Variants in FAXC observed in about 807,000 individuals in gnomAD.
FAXC encodes the protein failed axon connections homolog, metaxin like GST domain containing, also known as failed axon connections homolog.
Under a neutral mutation model 41.9 loss-of-function variants are expected in FAXC, and 10 were observed. That is an observed-to-expected ratio of 0.24 (90% CI 0.15 to 0.41). FAXC has a LOEUF of 0.41. Ranked by LOEUF, FAXC falls within the 10% of genes least tolerant of loss-of-function variation. The probability of loss-of-function intolerance (pLI) is 1.00; values close to 1 mark genes in which losing one functional copy is unlikely to be tolerated. For missense variants in FAXC, 399 were observed against 510.9 expected (o/e 0.78, Z 2.11); for synonymous variants, 183 against 183.8 (o/e 1.00, Z 0.03).
chr6:99,339,539 A>G (rs1158359732), intron 2 of FAXC, among the ~76,000 whole-genome samples: 1 of 152,260 alleles, frequency 6.6e-6, no homozygotes, highest in Non-Finnish European at 1.5e-5. Context: ...ATGAAGCAGA[A>G]TTATTGGGAC....
intron 4 of FAXC, among the ~76,000 whole-genome samples, chr6:99,321,083 C>G (rs1772571036): frequency 6.6e-6 from 1 of 152,162 alleles, no homozygotes; most frequent in Admixed American, 6.5e-5. Flanking sequence ...AAACAGGCCA[C>G]CAGGGATCAG....
intron 3 of FAXC, among the ~76,000 whole-genome samples, chr6:99,330,384 T>C (rs758557354): frequency 1.3e-5 from 2 of 152,306 alleles, no homozygotes; most frequent in South Asian, 2.1e-4. Context: ...TCTGTACTTA[T>C]GTATTCAGTA....
intron 2 of FAXC, among the ~76,000 whole-genome samples, chr6:99,335,848 T>C (rs1773197854): frequency 6.6e-6 from 1 of 152,174 alleles, no homozygotes; most frequent in South Asian, 2.1e-4. Flanking sequence ...GAAGTTCTAG[T>C]ATGTTTTCAT....
At chr6:99,333,275 G>A in intron 3 of FAXC, 76 bp downstream of exon 3, 17 of 1,264,176 alleles carry the variant, frequency 1.3e-5, no homozygotes, top group Non-Finnish European at 1.9e-5. Context: ...CTGAAACGGT[G>A]GAAAGAGGAT....
intron 3 of FAXC, among the ~76,000 whole-genome samples, chr6:99,325,590 G>C (rs1411160630): frequency 6.6e-6 from 1 of 152,182 alleles, no homozygotes; most frequent in African/African-American, 2.4e-5. Flanking sequence ...ATTTTTTCTA[G>C]TAAATTCTAT....
rs553918498 is a variant in FAXC, at chr6:99,309,658, G to A, written c.823+13786C>T. Among the ~76,000 whole-genome samples, 5 of 152,296 alleles carry A rather than the reference G, an allele frequency of 3.3e-5. No individual in the cohort carries two copies. In the South Asian group the frequency reaches 8.3e-4, roughly 25 times the overall value. On this transcript the variant is annotated intron_variant, in intron 4 of 5. Coordinates refer to ENST00000389677, the MANE Select transcript of FAXC (RefSeq NM_032511.4). ...TGGAAGTCTGGAATGGAGAGGCTGA[G>A]TGAAAAGAAGAGTTAATGCTTTCTG...
Position 99,333,456 on chromosome 6 carries a change from T to C in FAXC, c.494A>G (p.Asp165Gly). The change falls in exon 3 of 6, where the codon GAC becomes GGC. Residue 165 changes from aspartate to glycine, a missense_variant. Asp to Gly is a moderately conservative substitution (Grantham distance 94). This residue lies in a region of FAXC where 239 missense variants were observed against 352.7 expected (regional missense o/e 0.68). Coordinates refer to ENST00000389677, the MANE Select transcript of FAXC (RefSeq NM_032511.4). ...CACTCCAAGCTTCTCTTCCAGAAAG[T>C]CAATTATGAATTCTGTGCCAGAAAC... is the stretch of plus-strand genomic sequence containing the variant. ...EKVSGTEFII[D>G]FLEEKLGVNL... 3 of 1,614,192 alleles carry C rather than the reference T, an allele frequency of 1.9e-6. No homozygotes were observed. Among genetic ancestry groups the C allele is most frequent in the South Asian group, 1.1e-5 (1 of 91,082 alleles).
chr6:99,308,727 G>A (rs906511299), intron 4 of FAXC, among the ~76,000 whole-genome samples: 2 of 151,536 alleles, frequency 1.3e-5, no homozygotes, highest in African/African-American at 4.9e-5. Context: ...TCAATACAGA[G>A]AAAAATGTTT....
intron 4 of FAXC, among the ~76,000 whole-genome samples, chr6:99,309,559 T>A (rs1022512071): frequency 1.3e-5 from 2 of 152,182 alleles, no homozygotes; most frequent in Admixed American, 1.3e-4. Context: ...CTGGTCCCCA[T>A]AAGAATTGCC....
At chr6:99,293,219 T>A (rs1771314024) in intron 4 of FAXC, among the ~76,000 whole-genome samples, 1 of 152,234 alleles carries the variant, frequency 6.6e-6, no homozygotes, top group African/African-American at 2.4e-5. Flanking sequence ...CATTATACAT[T>A]GCCTCCAACC....
chr6:99,343,855 T>G (rs1773505068), intron 1 of FAXC, among the ~76,000 whole-genome samples: 1 of 152,176 alleles, frequency 6.6e-6, no homozygotes, highest in South Asian at 2.1e-4. Context: ...ATTTTCTGCC[T>G]TCCCAGTATC....
chr6:99,281,582 G>T, intron 5 of FAXC, 129 bp from the exon 6 acceptor site: 2 of 756,150 alleles, frequency 2.6e-6, no homozygotes, highest in Non-Finnish European at 4.3e-6. Context: ...AGGAGGTGGG[G>T]CCTTTAAGAG....
chr6:99,301,901 T>C (rs1268506224), intron 4 of FAXC, among the ~76,000 whole-genome samples: 1 of 152,192 alleles, frequency 6.6e-6, no homozygotes, highest in Non-Finnish European at 1.5e-5. Context: ...ATTGGGGCTA[T>C]GTAGGTATAT....
chr6:99,337,021 A>C (rs963880427), intron 2 of FAXC, among the ~76,000 whole-genome samples: 1 of 152,190 alleles, frequency 6.6e-6, no homozygotes, highest in Non-Finnish European at 1.5e-5. Flanking sequence ...CCACGCACCC[A>C]CTATCTATTT....
chr6:99,303,661 T>C (rs1338819166), intron 4 of FAXC, among the ~76,000 whole-genome samples: 1 of 152,222 alleles, frequency 6.6e-6, no homozygotes, highest in Non-Finnish European at 1.5e-5. Context: ...ACTTCTCTTT[T>C]ACCAACAACA....
At chr6:99,342,069 C>CTTTA (rs1402058615) in intron 2 of FAXC, among the ~76,000 whole-genome samples, 1 of 152,144 alleles carries the variant, frequency 6.6e-6, no homozygotes. Context: ...AAATATATAC[C>CTTTA]TTTAAGTACA....
At chr6:99,282,756 T>C (rs1367208631) in intron 5 of FAXC, among the ~76,000 whole-genome samples, 1 of 152,192 alleles carries the variant, frequency 6.6e-6, no homozygotes, top group Admixed American at 6.5e-5. Context: ...TATATAAACA[T>C]TCACTTATTG....
At chr6:99,293,694 GTGTGTGTGTGTGTGTGTGTC>G (rs1219304900) in intron 4 of FAXC, among the ~76,000 whole-genome samples, 70 of 138,352 alleles carry the variant, frequency 5.1e-4, no homozygotes, top group African/African-American at 1.8e-3. Context: ...GTGTGTGTGT[GTGTGTGTGTGTGTGTGTGTC>G]TGTGTGTGTG....
rs1393554862 is a variant in FAXC at position 99,349,519 on chromosome 6, A to AGGC, written c.-150_-148dup. 7.2e-5 allele frequency: 32 copies of AGGC among 442,728 alleles called. No homozygotes were observed. Among genetic ancestry groups the AGGC allele is most frequent in the African/African-American group, 1.2e-4 (5 of 42,912 alleles). The allele number at this position is 442,728 out of a possible 1,614,324, so 27.4% of individuals were successfully genotyped here. A position where few individuals can be genotyped will look rare whatever the true frequency, so the allele number is the denominator to read the frequency against. Reference sequence around the variant, plus strand: ...ACTGAGGAGGCGGCGGCGACTGAGGAGGCGGCGGCAGAGGAGGAGGAGGAG... The same window carrying AGGC: ...ACTGAGGAGGCGGCGGCGACTGAGGAGGCGGCGGCGGCAGAGGAGGAGGAGGAG... On this transcript the variant is annotated 5_prime_UTR_variant, in exon 1 of 6. Coordinates refer to ENST00000389677, the MANE Select transcript of FAXC (RefSeq NM_032511.4).
Sources: allele counts gnomAD v4.1 joint callset (sites outside exome capture counted in the v4.1 genomes callset), GRCh38; gene constraint gnomAD v4.1.1; regional missense constraint gnomAD v4.1.1; transcripts MANE v1.5; gene names NCBI Gene and HGNC (gene_info 2026-07-23, HGNC 2026-07-21).